The following PCSK5 variants were observed in gnomAD, a reference collection of about 807,000 sequenced individuals.
PCSK5 encodes the protein proprotein convertase subtilisin/kexin type 5.
A neutral mutation model predicts 233.2 loss-of-function variants in PCSK5; 129 were observed. The ratio of observed to expected loss-of-function variants is 0.55; its 90% CI spans 0.48 to 0.64. The LOEUF is 0.64. PCSK5 is among the 30% of genes least tolerant of loss of function. The pLI is 0.00. For synonymous variants in PCSK5, 825 were observed against 879.2 expected, an observed-to-expected ratio of 0.94 and a Z score of 1.09; for missense variants, 2,076 against 2,430.1, an observed-to-expected ratio of 0.85 and a Z score of 3.06.
chr9:76,084,206 G>A (rs1327630363), intron 7 of PCSK5, among the ~76,000 whole-genome samples: 3 of 152,138 alleles, frequency 2.0e-5, no homozygotes, highest in Non-Finnish European at 4.4e-5. Context: ...ACAAAGAAAT[G>A]TGTGTTTTTC....
chr9:76,272,847 A>C (rs528041111), intron 24 of PCSK5, among the ~76,000 whole-genome samples: 41 of 148,514 alleles, frequency 2.8e-4, no homozygotes, highest in Admixed American at 4.1e-4. Context: ...ATTATCATTG[A>C]TCTTCAGCCA....
rs1188411361 is a variant in PCSK5, at chr9:76,227,548, C to T, written c.2672C>T (p.Ser891Leu). ...EHGHCQTCEA[S>L]CAKCQGPTQE... The stretch of plus-strand genomic sequence containing the variant: ...GGCCACTGCCAGACCTGTGAGGCCT[C>T]ATGTGCCAAGTGCCAGGGACCAACC... Residue 891 changes from serine to leucine, a missense_variant, in exon 21 of 38, where the codon TCA becomes TTA. This residue lies in a region of PCSK5 where 1,510 missense variants were observed against 1,538.1 expected (regional missense o/e 0.98). Transcript: ENST00000674117. 2 of 1,612,226 alleles carry T rather than the reference C, an allele frequency of 1.2e-6. No individual in the cohort carries two copies. Among genetic ancestry groups the T allele is most frequent in the Non-Finnish European group, 8.5e-7 (1 of 1,179,682 alleles).
At chr9:76,055,016 G>A (rs983682928) in intron 5 of PCSK5, among the ~76,000 whole-genome samples, 8 of 151,972 alleles carry the variant, frequency 5.3e-5, no homozygotes, top group South Asian at 2.1e-4. Context: ...TGCCTACAGC[G>A]TGTTATCTGT....
chr9:76,207,834 G>A (rs1337856403), intron 20 of PCSK5, among the ~76,000 whole-genome samples: 1 of 152,160 alleles, frequency 6.6e-6, no homozygotes, highest in African/African-American at 2.4e-5. Context: ...CCTTGGGGCT[G>A]TCTTAGTCTG....
chr9:76,155,654 G>A (rs1035683082), intron 10 of PCSK5, among the ~76,000 whole-genome samples: 3 of 152,178 alleles, frequency 2.0e-5, no homozygotes, highest in African/African-American at 7.2e-5. Context: ...ATGGATGGAT[G>A]GATGGACAGA....
intron 23 of PCSK5, among the ~76,000 whole-genome samples, 191 bp from the exon 24 acceptor site, chr9:76,240,425 T>C (rs1826392941): frequency 6.6e-6 from 1 of 152,236 alleles, no homozygotes; most frequent in Non-Finnish European, 1.5e-5. Flanking sequence ...ATCAAGCTGA[T>C]TCAATCTATT....
At chr9:76,178,149 C>T (rs1823699245) in intron 14 of PCSK5, among the ~76,000 whole-genome samples, 1 of 152,060 alleles carries the variant, frequency 6.6e-6, no homozygotes. Context: ...GAACTTCAGT[C>T]CATAGACAGC....
intron 24 of PCSK5, among the ~76,000 whole-genome samples, chr9:76,242,233 T>G (rs995615599): frequency 2.0e-5 from 3 of 152,208 alleles, no homozygotes; most frequent in Admixed American, 6.5e-5. Context: ...CTAGGAATAT[T>G]CTAAATCTTC....
At chr9:76,149,868 G>C (rs557078005) in intron 10 of PCSK5, among the ~76,000 whole-genome samples, 10 of 152,254 alleles carry the variant, frequency 6.6e-5, no homozygotes, top group Admixed American at 3.9e-4. Flanking sequence ...ATGAAGACTG[G>C]TCAGAAGAAA....
At chr9:76,109,470 T>G (rs1247945464) in intron 9 of PCSK5, among the ~76,000 whole-genome samples, 1 of 151,770 alleles carries the variant, frequency 6.6e-6, no homozygotes, top group Non-Finnish European at 1.5e-5. Context: ...AATCACGATT[T>G]AAGCTGAAAT....
chr9:75,890,493 C>T (rs1271631159), upstream of PCSK5, among the ~76,000 whole-genome samples: 1 of 152,208 alleles, frequency 6.6e-6, no homozygotes, highest in Non-Finnish European at 1.5e-5. Flanking sequence ...CTTGCCTTTA[C>T]TGCCCGGAAC....
intron 30 of PCSK5, among the ~76,000 whole-genome samples, chr9:76,318,989 A>C (rs2131454335): frequency 6.6e-6 from 1 of 152,336 alleles, no homozygotes; most frequent in East Asian, 1.9e-4. Context: ...ATTCACAAGA[A>C]TATGAACCCC....
intron 5 of PCSK5, among the ~76,000 whole-genome samples, chr9:76,064,216 G>C (rs1222574298): frequency 1.7e-5 from 2 of 115,256 alleles, no homozygotes; most frequent in African/African-American, 4.3e-5. Context: ...GGACGGGGCG[G>C]CTGGCCGGGT....
At chr9:76,053,645 T>A (rs997101050) in intron 5 of PCSK5, among the ~76,000 whole-genome samples, 1 of 152,196 alleles carries the variant, frequency 6.6e-6, no homozygotes, top group Non-Finnish European at 1.5e-5. Context: ...TTGCTTCAGT[T>A]CCCAGCAAGT....
chr9:76,337,983 C>T, intron 34 of PCSK5, among the ~76,000 whole-genome samples: 1 of 152,098 alleles, frequency 6.6e-6, no homozygotes, highest in Non-Finnish European at 1.5e-5. Context: ...AGCACTAGGT[C>T]TTTTCATATG....
chr9:75,992,087 C>A lies in PCSK5; in HGVS notation c.411+5842C>A, dbSNP rs186841849. The stretch of plus-strand genomic sequence containing the variant: ...CTCTGATCTGGGAGACAGAGCAAGA[C>A]CCCATATCTAAAATCATAAATAAAC... On this transcript the variant is annotated intron_variant, in intron 3 of 37. Transcript: ENST00000674117. Among the ~76,000 whole-genome samples the A allele has an allele frequency of 5.6e-3, 853 of 152,142 alleles. 5 individuals carry two copies. Among genetic ancestry groups the A allele is most frequent in the African/African-American group, 0.019 (808 of 41,508 alleles).
chr9:76,065,473 G>A (rs1265981357), intron 5 of PCSK5, among the ~76,000 whole-genome samples: 1 of 152,114 alleles, frequency 6.6e-6, no homozygotes, highest in East Asian at 1.9e-4. Context: ...TTTGTGAAAT[G>A]TGTATTCAAA....
chr9:75,960,341 C>T (rs1016543098), intron 2 of PCSK5, among the ~76,000 whole-genome samples: 1 of 152,044 alleles, frequency 6.6e-6, no homozygotes, highest in African/African-American at 2.4e-5. Context: ...TTTGAAACAA[C>T]CAGAGGTCAG....
chr9:76,094,103 A>G (rs1421491274), intron 7 of PCSK5, among the ~76,000 whole-genome samples: 1 of 152,168 alleles, frequency 6.6e-6, no homozygotes, highest in Non-Finnish European at 1.5e-5. Context: ...ATTCCTGGGT[A>G]ATTATAAAGC....
Sources: gnomAD v4.1 joint callset for allele counts (sites outside exome capture counted in the v4.1 genomes callset) on GRCh38, gnomAD v4.1.1 for gene constraint, gnomAD v4.1.1 regional missense constraint, MANE v1.5 for transcripts, NCBI Gene and HGNC (gene_info 2026-07-23, HGNC 2026-07-21) for gene names.